The following CCSER1 variants were observed in gnomAD, a reference collection of about 807,000 sequenced individuals.
CCSER1 encodes the protein coiled-coil serine rich protein 1, also known as serine-rich coiled-coil domain-containing protein 1.
In CCSER1, 41 loss-of-function variants were observed where a neutral mutation model predicts 82.0. The observed-to-expected ratio is 0.50, with a 90% CI of 0.39 to 0.65. The LOEUF is 0.65. Ranked by LOEUF, CCSER1 falls within the 30% of genes least tolerant of loss-of-function variation. The pLI, the probability that CCSER1 is intolerant of heterozygous loss-of-function variation, is 0.00. For synonymous variants in CCSER1, 414 were observed against 383.9 expected (o/e 1.08, Z -0.92); for missense variants, 1,119 against 1,064.2 (o/e 1.05, Z -0.72).
chr4:90,827,950 G>A (rs1054565723), intron 8 of CCSER1, among the ~76,000 whole-genome samples: 1 of 152,128 alleles, frequency 6.6e-6, no homozygotes, highest in African/African-American at 2.4e-5. Flanking sequence ...CAATTTATAG[G>A]AGAGTAAATG....
intron 10 of CCSER1, chr4:91,319,566 A>C: frequency 2.3e-6 from 1 of 427,374 alleles, no homozygotes. Flanking sequence ...CCTGTGAAAG[A>C]AGTAAAGAAT....
intron 1 of CCSER1, among the ~76,000 whole-genome samples, chr4:90,154,536 G>C (rs1453642741): frequency 6.7e-6 from 1 of 150,002 alleles, no homozygotes; most frequent in African/African-American, 2.4e-5. Flanking sequence ...CCATTTGTTT[G>C]TATCCTCTTT....
At chr4:90,481,190 A>G (rs1438824647) in intron 5 of CCSER1, among the ~76,000 whole-genome samples, 1 of 151,940 alleles carries the variant, frequency 6.6e-6, no homozygotes, top group Non-Finnish European at 1.5e-5. Context: ...TTGGTGCATA[A>G]GAATGCTTGT....
chr4:90,616,373 C>T (rs192654848), intron 5 of CCSER1, among the ~76,000 whole-genome samples: 3 of 151,876 alleles, frequency 2.0e-5, no homozygotes, highest in South Asian at 2.1e-4. Flanking sequence ...AACAAACTGT[C>T]GAAGAATAAG....
intron 8 of CCSER1, among the ~76,000 whole-genome samples, chr4:90,898,546 C>G (rs1247413328): frequency 6.6e-6 from 1 of 151,588 alleles, no homozygotes; most frequent in East Asian, 2.0e-4. Context: ...CCTTGGCCTC[C>G]CAAAGTGGTG....
intron 5 of CCSER1, among the ~76,000 whole-genome samples, chr4:90,500,607 C>CG (rs994099649): frequency 1.6e-4 from 24 of 152,176 alleles, no homozygotes; most frequent in African/African-American, 5.5e-4. Context: ...CTAGGATTAC[C>CG]GGCGAGAACC....
chr4:90,580,426 G>T (rs993763775), intron 5 of CCSER1, among the ~76,000 whole-genome samples: 2 of 152,090 alleles, frequency 1.3e-5, no homozygotes, highest in African/African-American at 4.8e-5. Context: ...AGTATGCAGC[G>T]TCTGTGTGAC....
Position 91,147,762 on chromosome 4 carries a change from T to G in CCSER1, c.2217+61768T>G, listed in dbSNP as rs375602135. ...AAATTCAAATGAAAATTAGGTAATG[T>G]ACCATGAAATAGTTAAATATATTCA... On this transcript the variant is annotated intron_variant, in intron 10 of 10. Coordinates refer to ENST00000509176, the MANE Select transcript of CCSER1 (RefSeq NM_001145065.2). 2.9e-3 allele frequency among the ~76,000 whole-genome samples: 446 copies of G among 152,342 alleles called. 1 individual carries two copies. Among genetic ancestry groups the G allele is most frequent in the African/African-American group, 0.01 (420 of 41,584 alleles).
chr4:90,455,591 A>G (rs988968886), intron 4 of CCSER1, among the ~76,000 whole-genome samples: 2 of 152,136 alleles, frequency 1.3e-5, no homozygotes, highest in Non-Finnish European at 2.9e-5. Context: ...GAGGCTAAGA[A>G]AAAAGGGCAT....
At chr4:91,546,403 T>C (rs1377836483) in intron 10 of CCSER1, among the ~76,000 whole-genome samples, 1 of 152,118 alleles carries the variant, frequency 6.6e-6, no homozygotes, top group Admixed American at 6.5e-5. Flanking sequence ...TTTTGGAATT[T>C]TATTTATTAT....
chr4:90,997,480 TAAGTA>T (rs1737601630), intron 9 of CCSER1, among the ~76,000 whole-genome samples: 1 of 152,284 alleles, frequency 6.6e-6, no homozygotes, highest in South Asian at 2.1e-4. Context: ...GTCCCTTTTA[TAAGTA>T]AAGTAACATA....
chr4:91,259,470 C>T (rs987545356), intron 10 of CCSER1, among the ~76,000 whole-genome samples: 2 of 151,796 alleles, frequency 1.3e-5, no homozygotes, highest in Non-Finnish European at 2.9e-5. Flanking sequence ...ATACACACTT[C>T]TGGGGTACAT....
chr4:90,755,805 A>G (rs76029944), intron 7 of CCSER1, among the ~76,000 whole-genome samples: 3,672 of 152,320 alleles, frequency 0.024, 76 homozygotes, highest in Middle Eastern at 0.058. Flanking sequence ...AGTTAAGCAC[A>G]GGGAAATATC....
chr4:90,757,805 C>T (rs1336463783), intron 7 of CCSER1, among the ~76,000 whole-genome samples: 1 of 151,370 alleles, frequency 6.6e-6, no homozygotes, highest in Non-Finnish European at 1.5e-5. Flanking sequence ...GAGTTTTTTT[C>T]TTTTAAATCT....
chr4:90,217,440 C>T (rs1045210332), intron 1 of CCSER1, among the ~76,000 whole-genome samples: 8 of 152,092 alleles, frequency 5.3e-5, no homozygotes, highest in Admixed American at 2.0e-4. Flanking sequence ...CCTTGTATTC[C>T]GCCCGCCTCG....
intron 6 of CCSER1, chr4:90,682,908 A>G (rs1734156837): frequency 6.6e-6 from 1 of 152,110 alleles, no homozygotes; most frequent in Non-Finnish European, 1.5e-5. Flanking sequence ...GAAAAAGATA[A>G]TCTTTCTCAG....
intron 10 of CCSER1, among the ~76,000 whole-genome samples, chr4:91,356,918 C>T (rs115187716): frequency 1.5e-3 from 233 of 152,248 alleles, no homozygotes; most frequent in African/African-American, 5.5e-3. Flanking sequence ...ACCATACAGC[C>T]CACGCCTGGT....
chr4:90,393,747 G>A (rs887469152), intron 3 of CCSER1, among the ~76,000 whole-genome samples: 3 of 148,262 alleles, frequency 2.0e-5, no homozygotes, highest in South Asian at 2.2e-4. Flanking sequence ...TTTGGGAACC[G>A]ACTTTATACA....
At chr4:90,801,475 T>C (rs2149701259) in intron 7 of CCSER1, among the ~76,000 whole-genome samples, 1 of 152,308 alleles carries the variant, frequency 6.6e-6, no homozygotes, top group Non-Finnish European at 1.5e-5. Flanking sequence ...TTTAAGATAT[T>C]CTAAGAGTAC....
Sources: allele counts gnomAD v4.1 joint callset (sites outside exome capture counted in the v4.1 genomes callset), GRCh38; gene constraint gnomAD v4.1.1; transcripts MANE v1.5; gene names NCBI Gene and HGNC (gene_info 2026-07-23, HGNC 2026-07-21).